Variants in TEX30 observed in about 807,000 individuals in gnomAD.
TEX30 encodes testis-expressed protein 30.
In TEX30, 14 loss-of-function variants were observed where a neutral mutation model predicts 23.8. The observed-to-expected ratio is 0.59, with a 90% confidence interval of 0.39 to 0.92. The LOEUF (loss-of-function observed/expected upper bound fraction) is 0.92. TEX30 is among the 40% of genes least tolerant of loss of function. The pLI is 0.00. For missense variants in TEX30, 246 were observed against 270.6 expected, an observed-to-expected ratio of 0.91 and a Z score of 0.64; for synonymous variants, 78 against 90.2, an observed-to-expected ratio of 0.87 and a Z score of 0.76.
chr13:102,768,969 A>C (rs1207391561), intron 3 of TEX30, among the ~76,000 whole-genome samples: 1 of 152,240 alleles, frequency 6.6e-6, no homozygotes, highest in African/African-American at 2.4e-5. Flanking sequence ...ACATATACAG[A>C]AAACAGTATC....
In TEX30 at chr13:102,766,430, T is replaced by C; in HGVS notation, c.655A>G (p.Ile219Val). The C allele has an allele frequency of 6.2e-7, 1 of 1,613,836 alleles. No homozygotes were observed. The highest frequency in any genetic ancestry group is 2.2e-5 in the East Asian group (1 of 44,846). Residue 219 changes from isoleucine to valine, a missense_variant, in exon 6 of 6, where the codon ATT becomes GTT. Transcript: ENST00000376032. The stretch of plus-strand genomic sequence containing the variant: ...TGACATTTCTTGTCCATTTCAGTAA[T>C]TTCTTGGATCCAAAACAAAATCTGT... The part of the protein sequence containing the change: ...NTQILFWIQE[I>V]TEMDKKCH
chr13:102,765,995 AG>A lies in TEX30; in HGVS notation c.*405del, dbSNP rs1314434228. ...TGTGATTTATTAAAAGATAAGGTGA[AG>A]AGATGTGTGCATTCTATAAATCTCT... On this transcript the variant is annotated 3_prime_UTR_variant, in exon 6 of 6. Transcript: ENST00000376032. The A allele has an allele frequency of 6.5e-6, 1 of 153,464 alleles. No individual in the cohort carries two copies. The highest frequency in any genetic ancestry group is 2.4e-5 in the African/African-American group (1 of 41,478). 9.5% of individuals were successfully genotyped at this position (153,464 alleles called of 1,614,324 possible). A position where few individuals can be genotyped will look rare whatever the true frequency, so the allele number is the denominator to read the frequency against.
chr13:102,772,845 G>T (rs1435078791), intron 1 of TEX30, among the ~76,000 whole-genome samples: 15 of 152,258 alleles, frequency 9.9e-5, no homozygotes, highest in Non-Finnish European at 2.2e-4. Flanking sequence ...GGGGTCAGGC[G>T]TGAGCCACCG....
Position 102,768,255 on chromosome 13 carries a change from C to T in TEX30, c.298+5G>A, listed in dbSNP as rs1047510171. On this transcript the variant is annotated splice_donor_5th_base_variant and intron_variant, in intron 4 of 5. Transcript: ENST00000376032. ...TTAACAAGTATTCACAAGTATTGCA[C>T]TTACCTCCAAGAAAAACACCTGCAA... 1 of 1,601,372 alleles carries T rather than the reference C, an allele frequency of 6.2e-7. No homozygotes were observed. The highest frequency in any genetic ancestry group is 1.7e-5 in the Admixed American group (1 of 57,988).
In TEX30 at chr13:102,768,266, GA is replaced by G; in HGVS notation, c.291del (p.Gly99GlufsTer13). ...TCACAAGTATTGCACTTACCTCCAA[GA>G]AAAACACCTGCAAGTTTGTATTCTC... ...TSGEYKLAGV[F>X]LGGRSMGSRA... On this transcript the variant is annotated frameshift_variant, in exon 4 of 6. Coordinates refer to ENST00000376032, the MANE Select transcript of TEX30 (RefSeq NM_138779.5). LOFTEE classifies it high-confidence loss of function. 1 of 1,603,114 alleles carries G rather than the reference GA, an allele frequency of 6.2e-7. No homozygotes were observed. Among genetic ancestry groups the G allele is most frequent in the Non-Finnish European group, 8.5e-7 (1 of 1,175,636 alleles).
intron 1 of TEX30, among the ~76,000 whole-genome samples, chr13:102,772,116 C>G (rs1877363972): frequency 6.6e-6 from 1 of 151,852 alleles, no homozygotes; most frequent in African/African-American, 2.4e-5. Context: ...TGTAAACAAC[C>G]ACTATCTTAA....
At chr13:102,767,804 T>C (rs1427097628) in intron 4 of TEX30, among the ~76,000 whole-genome samples, 1 of 151,948 alleles carries the variant, frequency 6.6e-6, no homozygotes, top group Non-Finnish European at 1.5e-5. Context: ...TCCCAGCTAC[T>C]TGGGAGGCTG....
chr13:102,766,667 A>C, intron 5 of TEX30, 87 bp from the exon 6 acceptor site: 1 of 1,205,352 alleles, frequency 8.3e-7, no homozygotes. Flanking sequence ...ACTGGCATTC[A>C]TTCCCAAGTA....
intron 2 of TEX30, 139 bp downstream of exon 2, chr13:102,769,873 T>C (rs1877195306): frequency 1.4e-6 from 1 of 725,556 alleles, no homozygotes; most frequent in Non-Finnish European, 2.0e-6. Flanking sequence ...TAGTCTGCTC[T>C]AGATTCCTCG....
chr13:102,766,626 T>C (rs777875404), intron 5 of TEX30, 46 bp from the exon 6 acceptor site: 1 of 1,555,806 alleles, frequency 6.4e-7, no homozygotes, highest in Admixed American at 1.9e-5. Context: ...TCTGTTGATA[T>C]TTAATAAAAG....
rs1338081768 is a variant in TEX30, at chr13:102,769,404, T to C, written c.153A>G (p.Ala51=). ...DMNLPHLMSL[A]SHLASHGFFC... is the part of the protein sequence containing the mutation. ...AAAACCCATGAGATGCAAGATGGGA[T>C]GCCAGTGACATCAAATGAGGAAGAT... The change falls in exon 3 of 6, where the codon GCA becomes GCG. Residue 51 remains alanine (A), a synonymous_variant. Coordinates refer to ENST00000376032, the MANE Select transcript of TEX30 (RefSeq NM_138779.5). 1.9e-6 allele frequency: 3 copies of C among 1,609,728 alleles called. No homozygotes were observed. The highest frequency in any genetic ancestry group is 2.2e-5 in the East Asian group (1 of 44,728).
At chr13:102,768,570 C>T (rs550593133) in intron 3 of TEX30, among the ~76,000 whole-genome samples, 1 of 152,286 alleles carries the variant, frequency 6.6e-6, no homozygotes, top group African/African-American at 2.4e-5. Context: ...TATTTAAGCA[C>T]TAAACTATTT....
In TEX30 at chr13:102,766,241, A is replaced by G. The variant is rs1286754458; in HGVS notation, c.*160T>C. 3.5e-6 allele frequency: 2 copies of G among 566,466 alleles called. No individual in the cohort carries two copies. Among genetic ancestry groups the G allele is most frequent in the South Asian group, 3.5e-5 (1 of 28,830 alleles). 35.1% of individuals were successfully genotyped at this position (566,466 alleles called of 1,614,324 possible). A position where few individuals can be genotyped will look rare whatever the true frequency, so the allele number is the denominator to read the frequency against. On this transcript the variant is annotated 3_prime_UTR_variant, in exon 6 of 6. Coordinates refer to ENST00000376032, the MANE Select transcript of TEX30 (RefSeq NM_138779.5). ...AACTGTAACAGTGCTTTCAAAAGAC[A>G]TTTTGTGAAGGACATTAATTTCACA...
chr13:102,770,071 A>G lies in TEX30; in HGVS notation c.-45T>C, dbSNP rs546865520. On this transcript the variant is annotated 5_prime_UTR_variant, in exon 2 of 6. Transcript: ENST00000376032. ...ACTTAAAGTGCATTTACATCTGAGA[A>G]GCAAAGGACATCTCCCTGAAAAGAA... 2.3e-5 allele frequency: 30 copies of G among 1,304,796 alleles called. 1 individual carries two copies. In the South Asian group the frequency reaches 7.0e-4, roughly 30 times the overall value. 80.8% of individuals were successfully genotyped at this position (1,304,796 alleles called of 1,614,324 possible).
intron 1 of TEX30, among the ~76,000 whole-genome samples, chr13:102,772,567 C>T (rs1206706239): frequency 1.3e-5 from 2 of 152,152 alleles, no homozygotes; most frequent in Non-Finnish European, 2.9e-5. Flanking sequence ...AAGCAACCTG[C>T]TCTAGGTCAT....
Position 102,766,291 on chromosome 13 carries a change from G to T in TEX30, c.*110C>A. ...ATTTAAAACGTGTTTCAAAAATAAG[G>T]GAACATTAAAGAACATCAAATTAGT... On this transcript the variant is annotated 3_prime_UTR_variant, in exon 6 of 6. Transcript: ENST00000376032. The T allele has an allele frequency of 1.1e-6, 1 of 915,206 alleles. No individual in the cohort carries two copies. The highest frequency in any genetic ancestry group is 1.6e-6 in the Non-Finnish European group (1 of 639,354). 56.7% of individuals were successfully genotyped at this position (915,206 alleles called of 1,614,324 possible).
intron 3 of TEX30, among the ~76,000 whole-genome samples, chr13:102,768,894 G>A (rs1377247941): frequency 6.6e-6 from 1 of 152,214 alleles, no homozygotes; most frequent in South Asian, 2.1e-4. Context: ...TGGCCCATGG[G>A]TTGGACAAGC....
chr13:102,767,087 G>T (rs752334087), intron 5 of TEX30, among the ~76,000 whole-genome samples, 186 bp downstream of exon 5: 3 of 152,068 alleles, frequency 2.0e-5, no homozygotes, highest in Non-Finnish European at 4.4e-5. Context: ...TATTTCCAGG[G>T]ATACAAATTT....
At chr13:102,771,049 C>T (rs1433626907) in intron 1 of TEX30, among the ~76,000 whole-genome samples, 2 of 152,188 alleles carry the variant, frequency 1.3e-5, no homozygotes, top group African/African-American at 4.8e-5. Context: ...AAAAGTCTCA[C>T]TCATTCCACT....
Sources: allele counts gnomAD v4.1 joint callset (sites outside exome capture counted in the v4.1 genomes callset), GRCh38; gene constraint gnomAD v4.1.1; transcripts MANE v1.5; gene names NCBI Gene and HGNC (gene_info 2026-07-23, HGNC 2026-07-21).